Variants in SOX5 observed in about 807,000 individuals in gnomAD.
The protein encoded by SOX5 is SRY-box transcription factor 5.
SOX5 carries 9 observed loss-of-function variants against 92.0 expected under a neutral mutation model. The observed-to-expected ratio is 0.10, with a 90% CI of 0.06 to 0.17. The LOEUF (loss-of-function observed/expected upper bound fraction) is 0.17. SOX5 is among the 10% of genes least tolerant of loss of function. The pLI, the probability that SOX5 is intolerant of heterozygous loss-of-function variation, is 1.00. For synonymous variants in SOX5, 344 were observed against 336.3 expected (o/e 1.02, Z -0.25); for missense variants, 642 against 944.5 (o/e 0.68, Z 4.20).
intron 4 of SOX5, among the ~76,000 whole-genome samples, chr12:24,121,068 A>G (rs1948562937): frequency 2.0e-5 from 3 of 152,180 alleles, no homozygotes; most frequent in East Asian, 1.9e-4. Flanking sequence ...TTCTTACACT[A>G]AACCCAATTC....
chr12:24,362,981 T>C (rs1231784845), intron 2 of SOX5, among the ~76,000 whole-genome samples: 1 of 151,808 alleles, frequency 6.6e-6, no homozygotes, highest in Non-Finnish European at 1.5e-5. Context: ...CTCAAATTCA[T>C]CATTCACAGA....
intron 13 of SOX5, among the ~76,000 whole-genome samples, chr12:23,541,233 T>C (rs1941974502): frequency 6.6e-6 from 1 of 152,212 alleles, no homozygotes; most frequent in African/African-American, 2.4e-5. Flanking sequence ...TCATTTCTTA[T>C]CATCAAAACT....
At chr12:24,076,470 G>T (rs1335919179) in intron 4 of SOX5, among the ~76,000 whole-genome samples, 1 of 152,118 alleles carries the variant, frequency 6.6e-6, no homozygotes, top group Non-Finnish European at 1.5e-5. Context: ...TCATTCTTAT[G>T]TGGGTTCTTT....
chr12:24,383,586 G>A (rs1011708184), intron 1 of SOX5, among the ~76,000 whole-genome samples: 1 of 152,196 alleles, frequency 6.6e-6, no homozygotes, highest in African/African-American at 2.4e-5. Context: ...CCTTTGTCCA[G>A]CAAATCCCCA....
chr12:23,670,462 G>A (rs1014657883), intron 6 of SOX5, among the ~76,000 whole-genome samples: 1 of 152,062 alleles, frequency 6.6e-6, no homozygotes, highest in Non-Finnish European at 1.5e-5. Context: ...GGCTGAAAGG[G>A]GCAAATAGAA....
chr12:24,050,204 A>G (rs1033840910), intron 4 of SOX5, among the ~76,000 whole-genome samples: 2 of 152,000 alleles, frequency 1.3e-5, no homozygotes, highest in Admixed American at 1.3e-4. Flanking sequence ...TAAGGTCCAG[A>G]TTAAATTATT....
intron 9 of SOX5, chr12:23,582,361 A>C (rs894628072): frequency 5.0e-6 from 4 of 794,396 alleles, no homozygotes; most frequent in Non-Finnish European, 4.6e-6. Flanking sequence ...AGCAGAACTT[A>C]AAGGAGAAAA....
intron 4 of SOX5, among the ~76,000 whole-genome samples, chr12:24,052,229 G>T (rs1957633611): frequency 6.6e-6 from 1 of 152,166 alleles, no homozygotes. Flanking sequence ...AAACAGGAAT[G>T]AGAGAATCAA....
intron 1 of SOX5, among the ~76,000 whole-genome samples, chr12:24,477,400 C>T (rs577472640): frequency 1.3e-5 from 2 of 152,158 alleles, no homozygotes; most frequent in South Asian, 2.1e-4. Context: ...TCCCAAAGTG[C>T]TGGGATTACA....
intron 1 of SOX5, among the ~76,000 whole-genome samples, chr12:24,513,034 T>C (rs148637084): frequency 6.6e-6 from 1 of 152,356 alleles, no homozygotes; most frequent in African/African-American, 2.4e-5. Context: ...TTTCTCATGC[T>C]ACTGATATGT....
At chr12:24,355,403 G>C (rs909469582) in intron 2 of SOX5, among the ~76,000 whole-genome samples, 1 of 139,540 alleles carries the variant, frequency 7.2e-6, no homozygotes, top group Non-Finnish European at 1.5e-5. Flanking sequence ...CGCCTCCCAG[G>C]TTCACACCAT....
At chr12:23,951,691 T>C (rs1453379224), upstream of SOX5, among the ~76,000 whole-genome samples, 2 of 151,972 alleles carry the variant, frequency 1.3e-5, no homozygotes, top group African/African-American at 4.8e-5. Context: ...TGGAATAAGA[T>C]TTAAGCATGT....
intron 1 of SOX5, among the ~76,000 whole-genome samples, chr12:23,913,665 G>C (rs1051643673): frequency 3.0e-4 from 45 of 151,444 alleles, no homozygotes; most frequent in Non-Finnish European, 2.9e-5. Flanking sequence ...GAAACCAGAA[G>C]GTGGAGGTTG....
At chr12:24,557,888 GATGGTTATTTA>G (rs1953963740) in intron 1 of SOX5, among the ~76,000 whole-genome samples, 1 of 152,148 alleles carries the variant, frequency 6.6e-6, no homozygotes, top group Non-Finnish European at 1.5e-5. Flanking sequence ...AATTTTGAAG[GATGGTTATTTA>G]ATGGTTATTT....
chr12:24,395,348 T>G (rs1959644470), intron 1 of SOX5, among the ~76,000 whole-genome samples: 1 of 152,016 alleles, frequency 6.6e-6, no homozygotes, highest in Non-Finnish European at 1.5e-5. Flanking sequence ...CCAGGGGAAA[T>G]TTTGAGAGAA....
At chr12:24,025,214 TGAAGGCTAACATGA>T (rs1336457234) in intron 4 of SOX5, among the ~76,000 whole-genome samples, 5 of 151,986 alleles carry the variant, frequency 3.3e-5, no homozygotes, top group Non-Finnish European at 5.9e-5. Flanking sequence ...GCCTTTGTGT[TGAAGGCTAACATGA>T]GAGTGAGAAA....
intron 4 of SOX5, among the ~76,000 whole-genome samples, chr12:24,140,209 T>A (rs1593529294): frequency 6.6e-6 from 1 of 152,080 alleles, no homozygotes; most frequent in Admixed American, 6.6e-5. Flanking sequence ...ATCTCGATCA[T>A]ACATACACCG....
intron 2 of SOX5, among the ~76,000 whole-genome samples, chr12:24,326,781 T>TACACACACACACACACACACAC (rs1306084119): frequency 7.5e-4 from 32 of 42,392 alleles, no homozygotes; most frequent in African/African-American, 1.9e-3. Context: ...CACCCATTCA[T>TACACACACACACACACACACAC]ACACACACAT....
intron 4 of SOX5, among the ~76,000 whole-genome samples, chr12:23,747,055 T>C (rs1271728449): frequency 6.6e-6 from 1 of 152,110 alleles, no homozygotes; most frequent in Admixed American, 6.6e-5. Flanking sequence ...TCTCTTTCTT[T>C]TGTAAATTGC....
Sources: gnomAD v4.1 joint callset for allele counts (sites outside exome capture counted in the v4.1 genomes callset) on GRCh38, gnomAD v4.1.1 for gene constraint, MANE v1.5 for transcripts, NCBI Gene and HGNC (gene_info 2026-07-23, HGNC 2026-07-21) for gene names.